The following AKAP9 variants were observed in gnomAD, a reference collection of about 807,000 sequenced individuals.
AKAP9 encodes A-kinase anchor protein 9.
A neutral mutation model predicts 488.5 loss-of-function variants in AKAP9; 311 were observed. The observed-to-expected ratio is 0.64, with a 90% CI of 0.58 to 0.70. AKAP9 has a LOEUF of 0.70. AKAP9 is among the 30% of genes least tolerant of loss of function. The probability of loss-of-function intolerance (pLI) is 0.00; values close to 1 mark genes in which losing one functional copy is unlikely to be tolerated. For missense variants in AKAP9, 4,215 were observed against 4,374.5 expected, an observed-to-expected ratio of 0.96 and a Z score of 1.03; for synonymous variants, 1,462 against 1,483.5, an observed-to-expected ratio of 0.99 and a Z score of 0.33.
rs77833082 is a variant in AKAP9 at position 92,012,794 on chromosome 7, C to T, written c.3532+152C>T. The stretch of plus-strand genomic sequence containing the variant: ...TAATCACTAGACATTCATTTAAGTG[C>T]TTGAGAAAGCTAAAATCATTTTCCC... On this transcript the variant is annotated intron_variant, in intron 9 of 49. Transcript: ENST00000356239. 4.0e-3 allele frequency: 2,548 copies of T among 636,838 alleles called. 85 individuals are homozygous for T. In the East Asian group the frequency reaches 0.067, roughly 17 times the overall value. 39.4% of individuals were successfully genotyped at this position (636,838 alleles called of 1,614,324 possible).
chr7:92,079,367 A>C lies in AKAP9; in HGVS notation c.7234A>C (p.Met2412Leu), dbSNP rs746200047. The C allele has an allele frequency of 3.1e-6, 5 of 1,613,968 alleles. No individual in the cohort carries two copies. The highest frequency in any genetic ancestry group is 2.7e-5 in the African/African-American group (2 of 74,942). The change falls in exon 31 of 50, where the codon ATG (methionine) becomes CTG (leucine). Residue 2412 changes from methionine (M) to leucine (L), a missense_variant. Physicochemically the swap from Met to Leu is conservative, Grantham distance 15. This residue lies in a region of AKAP9 where 1,476 missense variants were observed against 1,477.4 expected (regional missense o/e 1.00). Coordinates refer to ENST00000356239, the MANE Select transcript of AKAP9 (RefSeq NM_005751.5). ...AACCGCTAATGAAGAAATGACCTTC[A>C]TGAAAAATGTACTTAAAGAAACCAA... Reference protein sequence around the residue: ...VETANEEMTFMKNVLKETNFK... With the variant: ...VETANEEMTFLKNVLKETNFK...
intron 1 of AKAP9, among the ~76,000 whole-genome samples, chr7:91,971,695 A>T (rs1562915514): frequency 1.3e-5 from 2 of 149,802 alleles, no homozygotes; most frequent in Non-Finnish European, 3.0e-5. Flanking sequence ...AGCCTCCCGA[A>T]TAGCTGGGAT....
intron 44 of AKAP9, 120 bp from the exon 45 acceptor site, chr7:92,100,736 T>C (rs1817390155): frequency 1.8e-6 from 2 of 1,135,150 alleles, no homozygotes; most frequent in African/African-American, 3.1e-5. Context: ...AGATTGGCTT[T>C]GAACTTTGTC....
intron 28 of AKAP9, among the ~76,000 whole-genome samples, chr7:92,071,862 A>G (rs1811789265): frequency 6.6e-6 from 1 of 152,208 alleles, no homozygotes. Context: ...AAAGGCATCT[A>G]TGTAAGTGAC....
At chr7:91,992,073 A>C in intron 3 of AKAP9, 85 bp from the exon 4 acceptor site, 2 of 1,093,610 alleles carry the variant, frequency 1.8e-6, no homozygotes, top group Non-Finnish European at 2.8e-6. Flanking sequence ...AAAGACATAC[A>C]CGTGAATACA....
Position 92,001,844 on chromosome 7 carries a change from G to T in AKAP9, c.1927G>T (p.Asp643Tyr), listed in dbSNP as rs1203523858. 6.2e-7 allele frequency: 1 copy of T among 1,613,268 alleles called. No homozygotes were observed. Among genetic ancestry groups the T allele is most frequent in the Non-Finnish European group, 8.5e-7 (1 of 1,179,580 alleles). Reference sequence around the variant, plus strand: ...AGAAGAGCTTTCCAAACTGAAGGAAGATTTAGAAATTGAACATCGAATAAA... The same window carrying T: ...AGAAGAGCTTTCCAAACTGAAGGAATATTTAGAAATTGAACATCGAATAAA... ...HEEELSKLKE[D>Y]LEIEHRINIE... is the part of the protein sequence containing the mutation. The change falls in exon 8 of 50, where the codon GAT becomes TAT. Residue 643 changes from aspartate (D) to tyrosine (Y), a missense_variant. Asp to Tyr is a radical substitution (Grantham distance 160, BLOSUM62 -3). This residue lies in a region of AKAP9 where 2,361 missense variants were observed against 2,430.0 expected (regional missense o/e 0.97). Transcript: ENST00000356239.
chr7:92,069,899 GACAA>G, intron 26 of AKAP9, 127 bp from the exon 27 acceptor site: 4 of 808,932 alleles, frequency 4.9e-6, no homozygotes, highest in Non-Finnish European at 7.6e-6. Flanking sequence ...TTCTTAAACA[GACAA>G]ACAAAAACGT....
intron 49 of AKAP9, 67 bp from the exon 50 acceptor site, chr7:92,110,055 C>A: frequency 8.5e-7 from 1 of 1,183,186 alleles, no homozygotes; most frequent in Non-Finnish European, 1.3e-6. Flanking sequence ...TGTGTGAACT[C>A]TGGTGGGTCT....
chr7:92,009,401 T>G (rs1201306036), intron 8 of AKAP9, among the ~76,000 whole-genome samples: 1 of 152,178 alleles, frequency 6.6e-6, no homozygotes, highest in African/African-American at 2.4e-5. Flanking sequence ...GAATATAAAC[T>G]ACCAGAATCA....
intron 1 of AKAP9, among the ~76,000 whole-genome samples, chr7:91,953,599 T>A (rs979700346): frequency 6.6e-6 from 1 of 152,188 alleles, no homozygotes; most frequent in East Asian, 1.9e-4. Flanking sequence ...ATAAGAAGTG[T>A]TCAAGAAGTG....
chr7:91,951,679 G>C (rs1792276039), intron 1 of AKAP9, among the ~76,000 whole-genome samples: 1 of 152,216 alleles, frequency 6.6e-6, no homozygotes, highest in East Asian at 1.9e-4. Context: ...CAGTAGTTTA[G>C]TTCATACCTA....
intron 21 of AKAP9, among the ~76,000 whole-genome samples, chr7:92,051,843 C>G (rs1428171164): frequency 6.6e-6 from 1 of 152,146 alleles, no homozygotes; most frequent in African/African-American, 2.4e-5. Context: ...TAGGTAATGC[C>G]TCTTCAGGAA....
intron 14 of AKAP9, among the ~76,000 whole-genome samples, chr7:92,024,083 G>A (rs527547643): frequency 2.0e-5 from 3 of 151,540 alleles, no homozygotes; most frequent in African/African-American, 7.3e-5. Flanking sequence ...TTATATGTAT[G>A]TATACATTAT....
intron 24 of AKAP9, among the ~76,000 whole-genome samples, chr7:92,063,172 G>A (rs1018041237): frequency 7.2e-5 from 11 of 151,972 alleles, no homozygotes; most frequent in African/African-American, 2.7e-4. Flanking sequence ...TCATTTTATC[G>A]GTTTAGAAAT....
intron 1 of AKAP9, among the ~76,000 whole-genome samples, chr7:91,950,688 G>C (rs1792129939): frequency 6.6e-6 from 1 of 152,068 alleles, no homozygotes; most frequent in Non-Finnish European, 1.5e-5. Flanking sequence ...GTGGGCATGG[G>C]GCAGAGATCT....
At chr7:91,990,537 G>A (rs888204741) in intron 3 of AKAP9, among the ~76,000 whole-genome samples, 1 of 152,024 alleles carries the variant, frequency 6.6e-6, no homozygotes, top group African/African-American at 2.4e-5. Flanking sequence ...AAACAGTCAT[G>A]TATTAATGGT....
chr7:92,022,895 G>A lies in AKAP9; in HGVS notation c.4034G>A (p.Ser1345Asn), dbSNP rs758456170. The A allele has an allele frequency of 1.4e-5, 23 of 1,612,428 alleles. No homozygotes were observed. In the South Asian group the frequency reaches 2.3e-4, roughly 16 times the overall value. ...KLEEQVQELE[S>N]LISSLQQQLK... ...GAAGAACAAGTTCAAGAATTAGAAA[G>A]CCTCATATCCTCTTTGCAGCAACAG... Residue 1345 changes from serine to asparagine, a missense_variant, in exon 14 of 50, where the codon AGC (serine) becomes AAC (asparagine). This residue lies in a region of AKAP9 where 2,361 missense variants were observed against 2,430.0 expected (regional missense o/e 0.97). Transcript: ENST00000356239.
Position 92,040,878 on chromosome 7 carries a change from C to A in AKAP9, c.4897C>A (p.Leu1633Ile), listed in dbSNP as rs139014789. Residue 1633 changes from leucine to isoleucine, a missense_variant, in exon 18 of 50, where the codon CTT becomes ATT. Physicochemically the swap from Leu to Ile is conservative, Grantham distance 5. Around this residue, in one of 5 missense-constraint regions of AKAP9, gnomAD observed 2,361 missense variants for 2,430.0 expected, o/e 0.97. Transcript: ENST00000356239. ...ACAGCTACAAGAAGAGATTAAGAGA[C>A]TTAATAGACAATTAGCCCAGGTAAG... Reference protein sequence around the residue: ...QEQLQEEIKRLNRQLAQRSSI... With the variant: ...QEQLQEEIKRINRQLAQRSSI... 6.2e-7 allele frequency: 1 copy of A among 1,613,094 alleles called. No homozygotes were observed. The highest frequency in any genetic ancestry group is 8.5e-7 in the Non-Finnish European group (1 of 1,179,518).
At chr7:92,088,243 G>A (rs976630065) in intron 37 of AKAP9, among the ~76,000 whole-genome samples, 7 of 152,140 alleles carry the variant, frequency 4.6e-5, no homozygotes, top group South Asian at 2.1e-4. Flanking sequence ...TGAAGGGCAC[G>A]ATGCCACTTT....
Sources: gnomAD v4.1 joint callset for allele counts (sites outside exome capture counted in the v4.1 genomes callset) on GRCh38, gnomAD v4.1.1 for gene constraint, gnomAD v4.1.1 regional missense constraint, MANE v1.5 for transcripts, NCBI Gene and HGNC (gene_info 2026-07-23, HGNC 2026-07-21) for gene names.